CATSPERT: variants seen among roughly 807,000 people sequenced by gnomAD.
CATSPERT encodes the protein cation channel sperm-associated targeting subunit tau.
the CATSPERT span, among the ~76,000 whole-genome samples, chr2:201,538,696 A>G: frequency 6.6e-6 from 1 of 152,136 alleles, no homozygotes; most frequent in Non-Finnish European, 1.5e-5. Flanking sequence ...GTTCAATTGT[A>G]CATGTGTTGG....
the CATSPERT span, chr2:201,554,766 C>T: frequency 4.6e-5 from 7 of 152,114 alleles, no homozygotes; most frequent in Non-Finnish European, 1.0e-4. Context: ...AACACTAATT[C>T]CAACTCTAAT....
the CATSPERT span, among the ~76,000 whole-genome samples, chr2:201,585,029 T>G: frequency 1.3e-5 from 2 of 152,102 alleles, no homozygotes; most frequent in Admixed American, 6.5e-5. Flanking sequence ...AGCTAAGAGA[T>G]AGTGAAATAC....
At chr2:201,561,080 C>T in the CATSPERT span, among the ~76,000 whole-genome samples, 1 of 152,194 alleles carries the variant, frequency 6.6e-6, no homozygotes, top group African/African-American at 2.4e-5. Flanking sequence ...CACGCCCGGC[C>T]AGCCTCATGA....
the CATSPERT span, among the ~76,000 whole-genome samples, chr2:201,500,560 A>C: frequency 6.6e-6 from 1 of 152,088 alleles, no homozygotes; most frequent in Non-Finnish European, 1.5e-5. Context: ...ACAGAGGCCG[A>C]CTTAGGTGAT....
the CATSPERT span, chr2:201,574,241 A>G: frequency 6.2e-7 from 1 of 1,606,006 alleles, no homozygotes. Flanking sequence ...AAGTTTCCAT[A>G]GGAGAACATA....
At chr2:201,619,142 C>T in the CATSPERT span, 17 of 1,613,726 alleles carry the variant, frequency 1.1e-5, no homozygotes, top group African/African-American at 2.7e-5. Context: ...TCTCCATCTT[C>T]TGCGGCCTGT....
chr2:201,537,430 C>A, the CATSPERT span: 4 of 1,585,924 alleles, frequency 2.5e-6, no homozygotes, highest in Admixed American at 1.7e-5. Context: ...TTCCAATTTC[C>A]CTTACCTCAT....
chr2:201,549,897 G>A, the CATSPERT span: 5 of 151,774 alleles, frequency 3.3e-5, no homozygotes, highest in South Asian at 1.0e-3. Context: ...GGTAAAATGA[G>A]TATCTCTTCC....
chr2:201,617,909 G>A, the CATSPERT span, among the ~76,000 whole-genome samples: 2 of 152,154 alleles, frequency 1.3e-5, no homozygotes, highest in African/African-American at 4.8e-5. Context: ...TATATGAACA[G>A]ACACTTCTCA....
the CATSPERT span, among the ~76,000 whole-genome samples, chr2:201,609,591 A>G: frequency 6.6e-6 from 1 of 152,232 alleles, no homozygotes; most frequent in East Asian, 1.9e-4. Flanking sequence ...TTCAATGATC[A>G]TTGGGTCAAG....
chr2:201,556,050 A>T, the CATSPERT span: 8 of 152,192 alleles, frequency 5.3e-5, no homozygotes, highest in African/African-American at 9.7e-5. Flanking sequence ...TACTGTTTTT[A>T]AAAAAATTCA....
chr2:201,529,682 A>G, the CATSPERT span, among the ~76,000 whole-genome samples: 2 of 152,192 alleles, frequency 1.3e-5, no homozygotes, highest in Non-Finnish European at 2.9e-5. Flanking sequence ...AATCTCCACA[A>G]TACTGGTCTA....
the CATSPERT span, among the ~76,000 whole-genome samples, chr2:201,526,206 C>G: frequency 6.6e-6 from 1 of 152,022 alleles, no homozygotes; most frequent in Non-Finnish European, 1.5e-5. Flanking sequence ...AACATAGATG[C>G]AAAAATCCTC....
the CATSPERT span, among the ~76,000 whole-genome samples, chr2:201,590,004 C>CT: frequency 6.6e-6 from 1 of 151,668 alleles, no homozygotes; most frequent in African/African-American, 2.4e-5. Context: ...TATTATTATA[C>CT]TTTAAGTTTT....
the CATSPERT span, among the ~76,000 whole-genome samples, chr2:201,530,146 AT>A: frequency 6.6e-6 from 1 of 152,204 alleles, no homozygotes; most frequent in African/African-American, 2.4e-5. Context: ...CTTGTACACT[AT>A]TTGTGGGAAT....
chr2:201,493,440 T>C, the CATSPERT span: 19 of 1,537,154 alleles, frequency 1.2e-5, no homozygotes, highest in Non-Finnish European at 1.1e-5. Flanking sequence ...TTAGGTTTCC[T>C]TTAGGAGAAG....
chr2:201,528,660 T>C, the CATSPERT span, among the ~76,000 whole-genome samples: 4 of 152,054 alleles, frequency 2.6e-5, no homozygotes, highest in African/African-American at 9.7e-5. Context: ...AATGCAGGAA[T>C]AGAAAACGAA....
At chr2:201,491,710 G>A in the CATSPERT span, 958 of 1,536,936 alleles carry the variant, frequency 6.2e-4, 3 homozygotes, top group Middle Eastern at 1.7e-3. Flanking sequence ...TACTGCTTCA[G>A]GTTTTTCCTG....
chr2:201,618,548 A>G, the CATSPERT span, among the ~76,000 whole-genome samples: 1 of 117,578 alleles, frequency 8.5e-6, no homozygotes, highest in Non-Finnish European at 1.7e-5. Context: ...ATCACACACC[A>G]CGGCCTGTCG....
Sources: allele counts gnomAD v4.1 joint callset (sites outside exome capture counted in the v4.1 genomes callset), GRCh38; gene constraint gnomAD v4.1.1; transcripts MANE v1.5; gene names NCBI Gene and HGNC (gene_info 2026-07-23, HGNC 2026-07-21).